The following ECHDC1 variants were observed in gnomAD, a reference collection of about 807,000 sequenced individuals.
ECHDC1 encodes ethylmalonyl-CoA decarboxylase.
ECHDC1 carries 29 observed loss-of-function variants against 29.7 expected under a neutral mutation model. That is an observed-to-expected ratio of 0.98 (90% CI 0.73 to 1.33). The LOEUF is 1.33. Ranked by LOEUF, ECHDC1 falls within the 40% of genes most tolerant of loss-of-function variation. The probability of loss-of-function intolerance (pLI) is 0.00; values close to 1 mark genes in which losing one functional copy is unlikely to be tolerated. For missense variants in ECHDC1, 328 were observed against 350.0 expected (o/e 0.94, Z 0.50); for synonymous variants, 126 against 123.1 (o/e 1.02, Z -0.15).
At chr6:127,298,793 A>G (rs769128087) in intron 5 of ECHDC1, among the ~76,000 whole-genome samples, 14 of 152,184 alleles carry the variant, frequency 9.2e-5, no homozygotes, top group Non-Finnish European at 1.9e-4. Flanking sequence ...CCTGTACAGA[A>G]GTATAGCACA....
At chr6:127,340,983 C>A (rs550511887) in intron 1 of ECHDC1, among the ~76,000 whole-genome samples, 1 of 152,248 alleles carries the variant, frequency 6.6e-6, no homozygotes, top group South Asian at 2.1e-4. Context: ...AGATCTATAT[C>A]CTTTTATCCT....
chr6:127,291,276 C>CCT (rs780863666), intron 5 of ECHDC1, among the ~76,000 whole-genome samples: 1 of 133,280 alleles, frequency 7.5e-6, no homozygotes, highest in Non-Finnish European at 1.6e-5. Context: ...GCTCTTATAC[C>CCT]TTTTTTTTTT....
intron 3 of ECHDC1, among the ~76,000 whole-genome samples, chr6:127,325,827 A>T (rs1783273200): frequency 6.6e-6 from 1 of 152,046 alleles, no homozygotes. Context: ...CAGCCTCCCA[A>T]GTAGCTGGGA....
chr6:127,299,725 A>T (rs761842), intron 5 of ECHDC1, among the ~76,000 whole-genome samples: 20,249 of 152,162 alleles, frequency 0.13, 2,644 homozygotes, highest in East Asian at 0.56. Flanking sequence ...AAAGGAGTAC[A>T]TTCTAAGTGT....
Position 127,314,796 on chromosome 6 carries a change from T to C in ECHDC1, c.497+20A>G, listed in dbSNP as rs769549965. ...AGTTAATTATATTTGTGCAAGAAATTAATGAAATTTTCATCCTACCTGAAA... is the reference window on the plus strand; with the variant it reads ...AGTTAATTATATTTGTGCAAGAAATCAATGAAATTTTCATCCTACCTGAAA... On this transcript the variant is annotated intron_variant, in intron 5 of 5. Coordinates refer to ENST00000454859, the MANE Select transcript of ECHDC1 (RefSeq NM_001002030.2). 1.0e-5 allele frequency: 16 copies of C among 1,579,944 alleles called. No individual in the cohort carries two copies. In the African/African-American group the frequency reaches 2.2e-4, roughly 22 times the overall value.
intron 5 of ECHDC1, among the ~76,000 whole-genome samples, chr6:127,301,618 C>T (rs1295106316): frequency 6.6e-6 from 1 of 152,196 alleles, no homozygotes; most frequent in Non-Finnish European, 1.5e-5. Context: ...TGATTTATCA[C>T]TTCCTGGAAA....
intron 1 of ECHDC1, among the ~76,000 whole-genome samples, chr6:127,331,450 C>A (rs1402558612): frequency 6.6e-6 from 1 of 152,082 alleles, no homozygotes; most frequent in Non-Finnish European, 1.5e-5. Context: ...CTGGCCACTT[C>A]CCCATTTCTA....
At chr6:127,324,002 C>T (rs1447587237) in intron 3 of ECHDC1, among the ~76,000 whole-genome samples, 1 of 152,122 alleles carries the variant, frequency 6.6e-6, no homozygotes, top group Non-Finnish European at 1.5e-5. Flanking sequence ...ATATACATAG[C>T]TCATGTAAAA....
At chr6:127,328,672 TA>T (rs1307627486) in intron 2 of ECHDC1, among the ~76,000 whole-genome samples, 1 of 152,200 alleles carries the variant, frequency 6.6e-6, no homozygotes, top group Non-Finnish European at 1.5e-5. Flanking sequence ...CCCATATTTT[TA>T]GTATAAGAAT....
At chr6:127,297,489 C>T (rs1780700820) in intron 5 of ECHDC1, among the ~76,000 whole-genome samples, 1 of 152,156 alleles carries the variant, frequency 6.6e-6, no homozygotes, top group South Asian at 2.1e-4. Context: ...CCTGAAAAAT[C>T]ACAGCTACAG....
Position 127,289,986 on chromosome 6 carries a change from T to C in ECHDC1, c.789A>G (p.Ser263=). The change falls in exon 6 of 6, where the codon TCA becomes TCG. Residue 263 remains serine (S), a synonymous_variant. Transcript: ENST00000454859. ...CTTCCTCCAAATATAGCTCTCTGCC[T>C]GAACAAACAGATTTTTTCAAAGCTC... ...VIRALKKSVC[S]GRELYLEEAL... 1 of 1,613,698 alleles carries C rather than the reference T, an allele frequency of 6.2e-7. No individual in the cohort carries two copies.
At chr6:127,331,286 C>A (rs1313386357) in intron 1 of ECHDC1, among the ~76,000 whole-genome samples, 1 of 151,922 alleles carries the variant, frequency 6.6e-6, no homozygotes, top group East Asian at 1.9e-4. Flanking sequence ...CCTGAGACTA[C>A]AGGCACCCAT....
At chr6:127,332,043 T>C (rs191819964) in intron 1 of ECHDC1, among the ~76,000 whole-genome samples, 1 of 151,432 alleles carries the variant, frequency 6.6e-6, no homozygotes, top group East Asian at 1.9e-4. Flanking sequence ...AAAAAGTATA[T>C]AAAATATAAG....
intron 1 of ECHDC1, among the ~76,000 whole-genome samples, chr6:127,338,242 A>T (rs2114710274): frequency 6.6e-6 from 1 of 152,328 alleles, no homozygotes; most frequent in East Asian, 1.9e-4. Context: ...CCCCATTGTT[A>T]GCGATTTCAG....
intron 5 of ECHDC1, 48 bp from the exon 6 acceptor site, chr6:127,290,325 C>G (rs778556912): frequency 1.3e-6 from 2 of 1,554,868 alleles, no homozygotes; most frequent in Non-Finnish European, 8.7e-7. Context: ...TCTGTATGCT[C>G]TAATCATAAA....
intron 3 of ECHDC1, among the ~76,000 whole-genome samples, chr6:127,321,387 G>A (rs1782812673): frequency 6.6e-6 from 1 of 152,130 alleles, no homozygotes; most frequent in Admixed American, 6.5e-5. Context: ...TATAATACAT[G>A]TATAAGCCTC....
At chr6:127,329,864 A>G (rs1163639595) in intron 2 of ECHDC1, 1 of 455,702 alleles carries the variant, frequency 2.2e-6, no homozygotes. Context: ...GCACTGGTAT[A>G]GAGAAATCTC....
chr6:127,316,439 G>T lies in ECHDC1; in HGVS notation c.416+11C>A, dbSNP rs755401127. The T allele has an allele frequency of 2.5e-6, 4 of 1,594,306 alleles. No individual in the cohort carries two copies. The highest frequency in any genetic ancestry group is 1.8e-5 in the Admixed American group (1 of 56,392). On this transcript the variant is annotated intron_variant, in intron 4 of 5. Coordinates refer to ENST00000454859, the MANE Select transcript of ECHDC1 (RefSeq NM_001002030.2). ...TTTAGAAATCATATTTTAAAAAGAA[G>T]GCTGCATTACCTCATAAATCTTGTT... is the stretch of plus-strand genomic sequence containing the variant.
Position 127,331,200 on chromosome 6 carries a change from T to G in ECHDC1, c.-2-170A>C, listed in dbSNP as rs370720855. The stretch of plus-strand genomic sequence containing the variant: ...TTTCACCCTGTTGCCCAGGCTGGAG[T>G]ACAGTGAAGCTCTCAGCTCACTGAA... On this transcript the variant is annotated intron_variant, in intron 1 of 5. Transcript: ENST00000454859. Among the ~76,000 whole-genome samples, 4 of 150,196 alleles carry G rather than the reference T, an allele frequency of 2.7e-5. No homozygotes were observed. The South Asian group carries it at 8.4e-4, about 32-fold the overall frequency.
Sources: gnomAD v4.1 joint callset for allele counts (sites outside exome capture counted in the v4.1 genomes callset) on GRCh38, gnomAD v4.1.1 for gene constraint, MANE v1.5 for transcripts, NCBI Gene and HGNC (gene_info 2026-07-23, HGNC 2026-07-21) for gene names.